Variants in PMS1 observed in about 807,000 individuals in gnomAD.
PMS1 encodes the protein PMS1 protein homolog 1.
Under a neutral mutation model 93.1 loss-of-function variants are expected in PMS1, and 79 were observed. The ratio of observed to expected loss-of-function variants is 0.85; its 90% CI spans 0.71 to 1.02. PMS1 has a LOEUF of 1.02. PMS1 is among the 50% of genes least tolerant of loss of function. The pLI is 0.00. For missense variants in PMS1, 1,064 were observed against 1,085.3 expected, an observed-to-expected ratio of 0.98 and a Z score of 0.28; for synonymous variants, 335 against 363.4, an observed-to-expected ratio of 0.92 and a Z score of 0.89.
At chr2:189,813,732 A>G (rs1257352808) in intron 4 of PMS1, among the ~76,000 whole-genome samples, 1 of 152,238 alleles carries the variant, frequency 6.6e-6, no homozygotes, top group Non-Finnish European at 1.5e-5. Flanking sequence ...ACCAGAAGAA[A>G]TTGCCATATT....
chr2:189,825,742 G>A (rs1242999694), intron 5 of PMS1, among the ~76,000 whole-genome samples: 4 of 152,188 alleles, frequency 2.6e-5, no homozygotes, highest in East Asian at 3.8e-4. Context: ...TAACTGTTAC[G>A]AAAGAGAGAC....
intron 5 of PMS1, among the ~76,000 whole-genome samples, chr2:189,822,278 C>T (rs1001217559): frequency 7.2e-5 from 11 of 152,162 alleles, no homozygotes; most frequent in African/African-American, 1.7e-4. Flanking sequence ...GGGCCTCTAC[C>T]GACCTTACTA....
chr2:189,820,398 G>A (rs1221385172), intron 5 of PMS1, among the ~76,000 whole-genome samples: 1 of 151,960 alleles, frequency 6.6e-6, no homozygotes, highest in African/African-American at 2.4e-5. Context: ...TTAGGCTCAA[G>A]CAATCCCTTC....
chr2:189,821,793 A>G (rs1421490396), intron 5 of PMS1, among the ~76,000 whole-genome samples: 1 of 152,230 alleles, frequency 6.6e-6, no homozygotes, highest in Non-Finnish European at 1.5e-5. Context: ...TGGGCGACAG[A>G]GTGAGAATCT....
intron 3 of PMS1, among the ~76,000 whole-genome samples, chr2:189,797,804 T>C (rs904515467): frequency 6.6e-6 from 1 of 152,198 alleles, no homozygotes; most frequent in Non-Finnish European, 1.5e-5. Context: ...AGGTTCATTG[T>C]GGTCTTCCCT....
intron 10 of PMS1, among the ~76,000 whole-genome samples, chr2:189,867,585 A>G (rs2056771976): frequency 6.6e-6 from 1 of 152,224 alleles, no homozygotes; most frequent in Non-Finnish European, 1.5e-5. Flanking sequence ...ATTCTAGAAG[A>G]CAGATTATCT....
chr2:189,814,229 C>T (rs2051077595), intron 4 of PMS1, among the ~76,000 whole-genome samples: 1 of 151,800 alleles, frequency 6.6e-6, no homozygotes, highest in African/African-American at 2.4e-5. Flanking sequence ...ACATGGTGTT[C>T]CAAGGAATTT....
intron 6 of PMS1, among the ~76,000 whole-genome samples, chr2:189,847,127 C>T (rs2054322296): frequency 6.6e-6 from 1 of 151,666 alleles, no homozygotes; most frequent in South Asian, 2.1e-4. Flanking sequence ...CCCAAAGCGC[C>T]CATTTCTTTT....
chr2:189,870,692 A>T (rs879850958), intron 11 of PMS1, among the ~76,000 whole-genome samples: 2 of 152,236 alleles, frequency 1.3e-5, no homozygotes, highest in African/African-American at 4.8e-5. Context: ...CATTCTAATC[A>T]TACTGTAAAA....
Position 189,790,074 on chromosome 2 carries a change from T to C in PMS1, c.-20-1716T>C, listed in dbSNP as rs888125725. On this transcript the variant is annotated intron_variant, in intron 1 of 12. Coordinates refer to ENST00000441310, the MANE Select transcript of PMS1 (RefSeq NM_000534.5). Reference sequence around the variant, plus strand: ...CAAATGCCAACTTAGAGATTTGAGCTTTATATTATTGGCTTTGAGGAGCCA... The same window carrying C: ...CAAATGCCAACTTAGAGATTTGAGCCTTATATTATTGGCTTTGAGGAGCCA... 7.9e-5 allele frequency among the ~76,000 whole-genome samples: 12 copies of C among 152,346 alleles called. 1 individual carries two copies. The highest frequency in any genetic ancestry group is 5.9e-4 in the Admixed American group (9 of 15,302).
Position 189,805,682 on chromosome 2 carries a change from A to G in PMS1, c.346A>G (p.Asn116Asp), listed in dbSNP as rs1196817214. 6.2e-7 allele frequency: 1 copy of G among 1,613,776 alleles called. No individual in the cohort carries two copies. The highest frequency in any genetic ancestry group is 8.5e-7 in the Non-Finnish European group (1 of 1,179,886). ...AATTACAACAAGAACGGCTGCTGAT[A>G]ATTTTAGCACCCAGTATGTTTTAGA... ...VLITTRTAAD[N>D]FSTQYVLDGS... Residue 116 changes from asparagine to aspartate, a missense_variant, in exon 4 of 13, where the codon AAT becomes GAT. Physicochemically the swap from Asn to Asp is conservative, Grantham distance 23. Transcript: ENST00000441310.
chr2:189,790,745 A>G (rs2048789859), intron 1 of PMS1, among the ~76,000 whole-genome samples: 1 of 152,236 alleles, frequency 6.6e-6, no homozygotes, highest in African/African-American at 2.4e-5. Context: ...AAACGGCAGT[A>G]TAGACTGGGT....
intron 2 of PMS1, 55 bp downstream of exon 2, chr2:189,791,996 C>CCAGTT (rs2048911556): frequency 6.7e-7 from 1 of 1,491,214 alleles, no homozygotes; most frequent in Non-Finnish European, 9.3e-7. Flanking sequence ...GGTCTGGACA[C>CCAGTT]ATGTTTTCTC....
At chr2:189,848,850 G>C (rs2054463121) in intron 6 of PMS1, among the ~76,000 whole-genome samples, 1 of 152,222 alleles carries the variant, frequency 6.6e-6, no homozygotes, top group Non-Finnish European at 1.5e-5. Context: ...GGTTGAAGGA[G>C]AATGGTCCTG....
At chr2:189,855,898 T>C (rs1238835574) in intron 9 of PMS1, 3 of 1,077,740 alleles carry the variant, frequency 2.8e-6, no homozygotes, top group Admixed American at 6.5e-5. Context: ...AGTGAAATTA[T>C]ACCTCCAATC....
chr2:189,808,072 G>T (rs1221302445), intron 4 of PMS1, among the ~76,000 whole-genome samples: 1 of 152,012 alleles, frequency 6.6e-6, no homozygotes, highest in Non-Finnish European at 1.5e-5. Flanking sequence ...TTCACCAGCT[G>T]TCATTTAGCT....
chr2:189,852,121 G>T lies in PMS1; in HGVS notation c.700-534G>T, dbSNP rs5743125. ...AAAAATGAAGCTAAAGTACAACAGT[G>T]CAATCAGTATTTAGCCCTGAGGAAG... On this transcript the variant is annotated intron_variant, in intron 6 of 12. Coordinates refer to ENST00000441310, the MANE Select transcript of PMS1 (RefSeq NM_000534.5). Among the ~76,000 whole-genome samples, 643 of 152,068 alleles carry T rather than the reference G, an allele frequency of 4.2e-3. 6 individuals are homozygous for T. The highest frequency in any genetic ancestry group is 0.015 in the African/African-American group (612 of 41,532).
At chr2:189,793,327 T>G (rs2049059066) in intron 2 of PMS1, among the ~76,000 whole-genome samples, 1 of 152,258 alleles carries the variant, frequency 6.6e-6, no homozygotes, top group Non-Finnish European at 1.5e-5. Context: ...TACAACTTCA[T>G]AGTCTAGATG....
chr2:189,788,615 A>G (rs1011194059), intron 1 of PMS1, among the ~76,000 whole-genome samples: 3 of 152,142 alleles, frequency 2.0e-5, no homozygotes, highest in Non-Finnish European at 4.4e-5. Context: ...ATCATTTTAA[A>G]TTTTCTAGTA....
Sources: allele counts gnomAD v4.1 joint callset (sites outside exome capture counted in the v4.1 genomes callset), GRCh38; gene constraint gnomAD v4.1.1; transcripts MANE v1.5; gene names NCBI Gene and HGNC (gene_info 2026-07-23, HGNC 2026-07-21).